Variants in IL36A observed in about 807,000 individuals in gnomAD.
IL36A encodes the protein interleukin-36 alpha.
In IL36A, 13 loss-of-function variants were observed where a neutral mutation model predicts 12.7. That is an observed-to-expected ratio of 1.02 (90% CI 0.67 to 1.63). The LOEUF is 1.63. Ranked by LOEUF, IL36A falls within the 40% of genes most tolerant of loss-of-function variation. IL36A has a pLI of 0.00. For missense variants in IL36A, 195 were observed against 192.9 expected (o/e 1.01, Z -0.07); for synonymous variants, 73 against 71.9 (o/e 1.01, Z -0.08).
downstream of IL36A, among the ~76,000 whole-genome samples, chr2:113,009,173 G>A (rs1323577183): frequency 6.6e-6 from 1 of 151,754 alleles, no homozygotes; most frequent in African/African-American, 2.4e-5. Context: ...TGGCTGCTTA[G>A]TATTCCATGA....
At position 113,006,697 on chromosome 2, in the gene IL36A, T is replaced by C. The variant is rs374840794; in HGVS notation, c.224T>C (p.Met75Thr). 1.9e-6 allele frequency: 3 copies of C among 1,614,050 alleles called. No individual in the cohort carries two copies. Among genetic ancestry groups the C allele is most frequent in the Non-Finnish European group, 2.5e-6 (3 of 1,180,030 alleles). The change falls in exon 3 of 4, where the codon ATG becomes ACG. Residue 75 changes from methionine to threonine, a missense_variant. By Grantham distance (81) the Met-to-Thr change is moderately conservative. Transcript: ENST00000259211. Reference sequence around the variant, plus strand: ...CTGAATGGACTCAATCTCTGCCTGATGTGTGCTAAAGTCGGGGACCAGCCC... The same window carrying C: ...CTGAATGGACTCAATCTCTGCCTGACGTGTGCTAAAGTCGGGGACCAGCCC... ...LGLNGLNLCL[M>T]CAKVGDQPTL...
intron 3 of IL36A, 137 bp from the exon 4 acceptor site, chr2:113,007,695 A>G: frequency 4.7e-6 from 3 of 644,868 alleles, no homozygotes; most frequent in East Asian, 5.3e-5. Flanking sequence ...TTTCAATCCC[A>G]TAATATGAAA....
chr2:113,008,729 G>A (rs1339944055), downstream of IL36A, among the ~76,000 whole-genome samples: 2 of 152,024 alleles, frequency 1.3e-5, no homozygotes, highest in East Asian at 3.8e-4. Flanking sequence ...CCACTCCTGG[G>A]CTTGGCTTAT....
In IL36A at chr2:113,005,474, A is replaced by T. The variant is rs1005357949; in HGVS notation, c.-398A>T. 7.7e-6 allele frequency: 2 copies of T among 259,258 alleles called. No homozygotes were observed. Among genetic ancestry groups the T allele is most frequent in the Non-Finnish European group, 7.4e-6 (1 of 134,260 alleles). The allele number at this position is 259,258 out of a possible 1,614,324, so 16.1% of individuals were successfully genotyped here. ...ACAGCCTGTCAGAAAACCCAAGTGC[A>T]GTAGAAGCCATTGTTCATAATGGTA... On this transcript the variant is annotated 5_prime_UTR_variant, in exon 1 of 4. Transcript: ENST00000259211.
downstream of IL36A, among the ~76,000 whole-genome samples, chr2:113,009,404 C>G (rs1304507753): frequency 2.0e-5 from 3 of 151,888 alleles, no homozygotes; most frequent in Non-Finnish European, 4.4e-5. Flanking sequence ...AGACTTGGAA[C>G]CAACCTAAAT....
downstream of IL36A, chr2:113,008,167 T>C: frequency 1.3e-6 from 1 of 792,190 alleles, no homozygotes; most frequent in East Asian, 2.7e-5. Context: ...TGCCTCCCAA[T>C]ATATTCATGC....
At position 113,005,761 on chromosome 2, in the gene IL36A, A is replaced by G. The variant is rs1025377857; in HGVS notation, c.-111A>G. 3.2e-6 allele frequency: 4 copies of G among 1,241,210 alleles called. No individual in the cohort carries two copies. Among genetic ancestry groups the G allele is most frequent in the Non-Finnish European group, 4.8e-6 (4 of 840,730 alleles). 76.9% of individuals were successfully genotyped at this position (1,241,210 alleles called of 1,614,324 possible). ...CTGCTGGGCTGGCCGCCAGTCTTTC[A>G]TCTGACCCAGGGTTAAACTGTGGCT... On this transcript the variant is annotated 5_prime_UTR_variant, in exon 1 of 4. Transcript: ENST00000259211.
chr2:113,005,547 A>G lies in IL36A; in HGVS notation c.-325A>G. On this transcript the variant is annotated 5_prime_UTR_variant, in exon 1 of 4. Transcript: ENST00000259211. ...AGATTATCAGTGTGGCCTATGCTGG[A>G]AAGTCTGGTGACCTCTGATTTTTTT... 4.2e-6 allele frequency: 2 copies of G among 481,632 alleles called. No individual in the cohort carries two copies. Among genetic ancestry groups the G allele is most frequent in the South Asian group, 2.3e-5 (1 of 43,216 alleles). The allele number at this position is 481,632 out of a possible 1,614,324, so 29.8% of individuals were successfully genotyped here. A position where few individuals can be genotyped will look rare whatever the true frequency, so the allele number is the denominator to read the frequency against.
chr2:113,006,057 G>T lies in IL36A; in HGVS notation c.94G>T (p.Ala32Ser), dbSNP rs761298474. ...GGTTCTTCAGGACCAGACGCTCATA[G>T]CAGTCCCGAGGAAGGACCGTATGTC... ...VWVLQDQTLI[A>S]VPRKDRMSPV... Residue 32 changes from alanine to serine, a missense_variant, in exon 2 of 4, where the codon GCA becomes TCA. Transcript: ENST00000259211. 6.2e-7 allele frequency: 1 copy of T among 1,613,746 alleles called. No individual in the cohort carries two copies. The highest frequency in any genetic ancestry group is 1.3e-5 in the African/African-American group (1 of 75,022).
At chr2:113,008,061 A>T, downstream of IL36A, 2 of 1,598,314 alleles carry the variant, frequency 1.3e-6, no homozygotes, top group Non-Finnish European at 1.7e-6. Flanking sequence ...TTGGGTTTGG[A>T]GGATAGTCTC....
In IL36A at chr2:113,007,968, G is replaced by C. The variant is rs780940707; in HGVS notation, c.401G>C (p.Gly134Ala). The change falls in exon 4 of 4, where the codon GGA (glycine) becomes GCA (alanine). Residue 134 changes from glycine (G) to alanine (A), a missense_variant. By Grantham distance (60) the Gly-to-Ala change is moderately conservative. Transcript: ENST00000259211. The part of the protein sequence containing the change: ...PGWFIAVSSE[G>A]GCPLILTQEL... ...TGGTTCATCGCTGTCAGCTCTGAAG[G>C]AGGCTGTCCTCTCATCCTTACCCAA... The C allele has an allele frequency of 6.2e-7, 1 of 1,614,196 alleles. No homozygotes were observed. Among genetic ancestry groups the C allele is most frequent in the Non-Finnish European group, 8.5e-7 (1 of 1,180,040 alleles).
chr2:113,006,274 G>A (rs1021302741), intron 2 of IL36A, among the ~76,000 whole-genome samples, 187 bp downstream of exon 2: 1 of 152,214 alleles, frequency 6.6e-6, no homozygotes, highest in African/African-American at 2.4e-5. Flanking sequence ...AGTCAGAGAA[G>A]AGAGAGAAGG....
chr2:113,006,119 C>T (rs372549382), intron 2 of IL36A, 32 bp downstream of exon 2: 2 of 1,380,686 alleles, frequency 1.4e-6, no homozygotes, highest in African/African-American at 2.8e-5. Flanking sequence ...AAGGCAGCTC[C>T]TTTGGCCAGT....
chr2:113,010,292 T>A (rs1463441863), downstream of IL36A, among the ~76,000 whole-genome samples: 3 of 152,214 alleles, frequency 2.0e-5, no homozygotes, highest in South Asian at 6.2e-4. Context: ...ACCACATTGA[T>A]GTTAGAGATT....
downstream of IL36A, among the ~76,000 whole-genome samples, chr2:113,010,891 C>T (rs1684715614): frequency 6.6e-6 from 1 of 152,148 alleles, no homozygotes; most frequent in East Asian, 1.9e-4. Context: ...TTCCCCCAGT[C>T]CCTGGAAACC....
rs1684601756 is a variant in IL36A at position 113,005,812 on chromosome 2, G to A, written c.-60G>A. Reference sequence around the variant, plus strand: ...TGGGACTGACTCAGGTCCTCTCTTGGGGTCGGTCTGCACATAAAAGGACTC... The same window carrying A: ...TGGGACTGACTCAGGTCCTCTCTTGAGGTCGGTCTGCACATAAAAGGACTC... On this transcript the variant is annotated 5_prime_UTR_variant, in exon 1 of 4. Transcript: ENST00000259211. 2 of 1,600,554 alleles carry A rather than the reference G, an allele frequency of 1.2e-6. No homozygotes were observed. The highest frequency in any genetic ancestry group is 3.3e-5 in the Admixed American group (2 of 59,996).
At chr2:113,008,063 GATAGTCTCCATGC>G (rs1684664939), downstream of IL36A, 13 of 1,592,602 alleles carry the variant, frequency 8.2e-6, no homozygotes, top group Non-Finnish European at 1.0e-5. Context: ...GGGTTTGGAG[GATAGTCTCCATGC>G]AGGGAAAATC....
At chr2:113,008,079 G>A (rs1558825167), downstream of IL36A, 2 of 1,547,336 alleles carry the variant, frequency 1.3e-6, no homozygotes, top group African/African-American at 2.7e-5. Flanking sequence ...CTCCATGCAG[G>A]GAAAATCTTA....
chr2:113,010,573 C>T (rs763139450), downstream of IL36A, among the ~76,000 whole-genome samples: 13 of 152,140 alleles, frequency 8.5e-5, no homozygotes, highest in East Asian at 1.9e-4. Context: ...CCATCTTTGA[C>T]GTTGCCTGGA....
Sources: allele counts gnomAD v4.1 joint callset (sites outside exome capture counted in the v4.1 genomes callset), GRCh38; gene constraint gnomAD v4.1.1; transcripts MANE v1.5; gene names NCBI Gene and HGNC (gene_info 2026-07-23, HGNC 2026-07-21).